Variants in LRRFIP2 observed in about 807,000 individuals in gnomAD.
The protein encoded by LRRFIP2 is LRR binding FLII interacting protein 2, also known as leucine-rich repeat flightless-interacting protein 2.
A neutral mutation model predicts 125.9 loss-of-function variants in LRRFIP2; 109 were observed. The observed-to-expected ratio is 0.87, with a 90% confidence interval of 0.74 to 1.01. The LOEUF (loss-of-function observed/expected upper bound fraction) is 1.01. Ranked by LOEUF, LRRFIP2 falls within the 50% of genes least tolerant of loss-of-function variation. The probability of loss-of-function intolerance (pLI) is 0.00; values close to 1 mark genes in which losing one functional copy is unlikely to be tolerated. For missense variants in LRRFIP2, 850 were observed against 862.3 expected (o/e 0.99, Z 0.18); for synonymous variants, 291 against 293.1 (o/e 0.99, Z 0.07).
chr3:37,059,794 AAAAAATAAT>A (rs1158492340), intron 24 of LRRFIP2, among the ~76,000 whole-genome samples: 1 of 72,608 alleles, frequency 1.4e-5, no homozygotes, highest in African/African-American at 3.6e-5. Context: ...TCAAAAAAAA[AAAAAATAAT>A]AATAATAATA....
intron 25 of LRRFIP2, 46 bp from the exon 26 acceptor site, chr3:37,055,211 A>C (rs1022116695): frequency 1.7e-6 from 2 of 1,185,468 alleles, no homozygotes; most frequent in Non-Finnish European, 2.4e-6. Flanking sequence ...GTCAGAGATG[A>C]CAGTATGAGC....
At chr3:37,162,155 C>CAAAAAAA (rs71091697) in intron 1 of LRRFIP2, among the ~76,000 whole-genome samples, 9 of 73,954 alleles carry the variant, frequency 1.2e-4, no homozygotes, top group African/African-American at 2.9e-4. Flanking sequence ...GACCCTGTCT[C>CAAAAAAA]AAAAAAAAAA....
intron 19 of LRRFIP2, among the ~76,000 whole-genome samples, chr3:37,080,949 A>T (rs2092590216): frequency 6.6e-6 from 1 of 152,210 alleles, no homozygotes; most frequent in South Asian, 2.1e-4. Flanking sequence ...AATTATTGTT[A>T]ATTTTACAGG....
In LRRFIP2 at chr3:37,085,709, G is replaced by A. The variant is rs533321499; in HGVS notation, c.1108-1903C>T. ...CGATTCTCCTGCCTCAGCCTCCCGC[G>A]TAGCTGGAATTACAGGCACACATCA... On this transcript the variant is annotated intron_variant, in intron 18 of 27. Transcript: ENST00000336686. Among the ~76,000 whole-genome samples the A allele has an allele frequency of 1.4e-3, 214 of 151,562 alleles. 6 individuals are homozygous for A. In the South Asian group the frequency reaches 0.043, roughly 31 times the overall value.
chr3:37,166,724 A>T (rs1257787134), intron 1 of LRRFIP2, among the ~76,000 whole-genome samples: 1 of 122,126 alleles, frequency 8.2e-6, no homozygotes, highest in Non-Finnish European at 1.9e-5. Context: ...TCTACAAAAT[A>T]TAAAAAAAAA....
chr3:37,097,354 C>T (rs967754956), intron 15 of LRRFIP2, among the ~76,000 whole-genome samples: 9 of 152,054 alleles, frequency 5.9e-5, no homozygotes, highest in African/African-American at 9.7e-5. Flanking sequence ...CTTCTTTTTC[C>T]CCTTACCAAG....
chr3:37,126,320 A>G (rs9843915), intron 4 of LRRFIP2, among the ~76,000 whole-genome samples: 3,312 of 152,210 alleles, frequency 0.022, 117 homozygotes, highest in African/African-American at 0.076. Flanking sequence ...ATGGGCCACT[A>G]TGCCCAGACC....
At chr3:37,134,307 A>G (rs1160970158) in intron 2 of LRRFIP2, among the ~76,000 whole-genome samples, 1 of 152,236 alleles carries the variant, frequency 6.6e-6, no homozygotes, top group Admixed American at 6.5e-5. Flanking sequence ...CACTCAATGA[A>G]TAATTAGGAA....
intron 2 of LRRFIP2, among the ~76,000 whole-genome samples, chr3:37,148,564 G>C (rs1057249820): frequency 6.6e-6 from 1 of 152,174 alleles, no homozygotes; most frequent in African/African-American, 2.4e-5. Context: ...TCAAAACAAT[G>C]CATAACATTT....
chr3:37,123,537 A>G (rs1234380825), intron 4 of LRRFIP2, among the ~76,000 whole-genome samples: 1 of 152,236 alleles, frequency 6.6e-6, no homozygotes, highest in Non-Finnish European at 1.5e-5. Context: ...GTCTGCAAGA[A>G]GCCAAGAAAA....
At chr3:37,146,426 C>A (rs1027957481) in intron 2 of LRRFIP2, among the ~76,000 whole-genome samples, 1 of 152,200 alleles carries the variant, frequency 6.6e-6, no homozygotes, top group Non-Finnish European at 1.5e-5. Context: ...TTTAGCCCCA[C>A]ATGCATTAGC....
intron 18 of LRRFIP2, among the ~76,000 whole-genome samples, chr3:37,084,687 T>A (rs1336836380): frequency 6.7e-6 from 1 of 149,330 alleles, no homozygotes; most frequent in African/African-American, 2.5e-5. Context: ...CAAAACAAAA[T>A]AAGAGAGTCT....
At chr3:37,170,552 T>A (rs1469633373) in intron 1 of LRRFIP2, 1 of 152,232 alleles carries the variant, frequency 6.6e-6, no homozygotes, top group African/African-American at 2.4e-5. Flanking sequence ...AAAATAATCC[T>A]GTAGCATAGT....
chr3:37,053,575 A>G lies in LRRFIP2; in HGVS notation c.*276T>C, dbSNP rs2085998839. ...GCCCAGTTACTGAGGCAGCTGGGGA[A>G]AAACGTTGAGTAAACATGATTCTAC... On this transcript the variant is annotated 3_prime_UTR_variant, in exon 28 of 28. Transcript: ENST00000336686. 5.6e-6 allele frequency: 2 copies of G among 355,034 alleles called. No homozygotes were observed. Among genetic ancestry groups the G allele is most frequent in the Non-Finnish European group, 1.1e-5 (2 of 190,428 alleles). 22.0% of individuals were successfully genotyped at this position (355,034 alleles called of 1,614,324 possible). A position where few individuals can be genotyped will look rare whatever the true frequency, so the allele number is the denominator to read the frequency against.
At chr3:37,118,825 A>G (rs1459042877) in intron 6 of LRRFIP2, among the ~76,000 whole-genome samples, 1 of 152,220 alleles carries the variant, frequency 6.6e-6, no homozygotes, top group Non-Finnish European at 1.5e-5. Context: ...ACACGGCCTT[A>G]AGTTTTTAAA....
chr3:37,166,656 G>T (rs984564388), intron 1 of LRRFIP2, among the ~76,000 whole-genome samples: 1 of 152,010 alleles, frequency 6.6e-6, no homozygotes, highest in Non-Finnish European at 1.5e-5. Context: ...CCAGGAGTTG[G>T]AGACCAGCCT....
chr3:37,121,539 GA>G lies in LRRFIP2; in HGVS notation c.286-4del. 1 of 1,613,748 alleles carries G rather than the reference GA, an allele frequency of 6.2e-7. No individual in the cohort carries two copies. Among genetic ancestry groups the G allele is most frequent in the Non-Finnish European group, 8.5e-7 (1 of 1,179,760 alleles). ...ATGGACAATGCATCCTCAACTCCCT[GA>G]TAAAAATGAAAATAAACACAGTAAA... is the stretch of plus-strand genomic sequence containing the variant. On this transcript the variant is annotated splice_polypyrimidine_tract_variant and splice_region_variant and intron_variant, in intron 5 of 27. Coordinates refer to ENST00000336686, the MANE Select transcript of LRRFIP2 (RefSeq NM_006309.4).
chr3:37,129,811 G>A (rs1256569209), intron 2 of LRRFIP2, among the ~76,000 whole-genome samples: 3 of 152,108 alleles, frequency 2.0e-5, no homozygotes, highest in Non-Finnish European at 4.4e-5. Flanking sequence ...TAGGCAACAT[G>A]ATGAAACCCT....
At chr3:37,063,166 T>A (rs1409665031) in intron 24 of LRRFIP2, among the ~76,000 whole-genome samples, 1 of 152,198 alleles carries the variant, frequency 6.6e-6, no homozygotes, top group Non-Finnish European at 1.5e-5. Flanking sequence ...AACTAATAGT[T>A]CTGAGGGAGA....
Sources: gnomAD v4.1 joint callset for allele counts (sites outside exome capture counted in the v4.1 genomes callset) on GRCh38, gnomAD v4.1.1 for gene constraint, MANE v1.5 for transcripts, NCBI Gene and HGNC (gene_info 2026-07-23, HGNC 2026-07-21) for gene names.